Variants in HRK observed in about 807,000 individuals in gnomAD.
The protein encoded by HRK is harakiri, BCL2 interacting protein, also known as activator of apoptosis harakiri.
In HRK, 6 loss-of-function variants were observed where a neutral mutation model predicts 5.9. The ratio of observed to expected loss-of-function variants is 1.02; its 90% CI spans 0.56 to 2.01. The LOEUF (loss-of-function observed/expected upper bound fraction) is 2.01, where lower values mean the gene tolerates loss of function less well. Ranked by LOEUF, HRK falls within the 30% of genes most tolerant of loss-of-function variation. The probability of loss-of-function intolerance (pLI) is 0.00; values close to 1 mark genes in which losing one functional copy is unlikely to be tolerated. For missense variants in HRK, 133 were observed against 128.3 expected, an observed-to-expected ratio of 1.04 and a Z score of -0.18; for synonymous variants, 85 against 65.1, an observed-to-expected ratio of 1.31 and a Z score of -1.47.
At position 116,881,151 on chromosome 12, in the gene HRK, G is replaced by T; in HGVS notation, c.157C>A (p.Arg53Ser). 8.4e-7 allele frequency: 1 copy of T among 1,184,530 alleles called. No individual in the cohort carries two copies. 73.4% of individuals were successfully genotyped at this position (1,184,530 alleles called of 1,614,324 possible). A position where few individuals can be genotyped will look rare whatever the true frequency, so the allele number is the denominator to read the frequency against. Residue 53 changes from arginine (R) to serine (S), a missense_variant, in exon 1 of 2, where the codon CGC (arginine) becomes AGC (serine). By Grantham distance (110) the Arg-to-Ser change is moderately radical. Transcript: ENST00000257572. The part of the protein sequence containing the change: ...ELHQRTMWRR[R>S]ARSRRAPAPG... The stretch of plus-strand genomic sequence containing the variant: ...GCCGGCGCCCTCCGGCTCCGCGCGC[G>T]GCGCCGCCACATGGTGCGCTGGTGC...
intron 1 of HRK, among the ~76,000 whole-genome samples, chr12:116,870,353 C>T (rs1221846790): frequency 2.0e-5 from 3 of 152,178 alleles, no homozygotes; most frequent in East Asian, 3.9e-4. Context: ...ATTACTGAGA[C>T]TTGGAACCTT....
At position 116,878,418 on chromosome 12, in the gene HRK, C is replaced by T. The variant is rs1448380964; in HGVS notation, c.*56+2558G>A. On this transcript the variant is annotated intron_variant, in intron 1 of 1. Coordinates refer to ENST00000257572, the MANE Select transcript of HRK (RefSeq NM_003806.4). The surrounding 1 kb of genome is among the most constrained non-coding windows in gnomAD (Gnocchi z 4.4). ...TCCAGCATAGAACGCAACAGACTGT[C>T]TTCCTCCGGTGATTTTTCTTTCCCC... The T allele has an allele frequency of 1.3e-5, 2 of 152,298 alleles. No homozygotes were observed. Among genetic ancestry groups the T allele is most frequent in the African/African-American group, 2.4e-5 (1 of 41,446 alleles). 9.4% of individuals were successfully genotyped at this position (152,298 alleles called of 1,614,324 possible).
At chr12:116,867,774 T>C (rs1878598704) in intron 1 of HRK, 1 of 152,160 alleles carries the variant, frequency 6.6e-6, no homozygotes, top group African/African-American at 2.4e-5. Flanking sequence ...CGTGTTGACA[T>C]GGGAAGATCT....
intron 1 of HRK, among the ~76,000 whole-genome samples, chr12:116,868,870 G>A (rs1878640974): frequency 6.6e-6 from 1 of 152,160 alleles, no homozygotes; most frequent in African/African-American, 2.4e-5. Context: ...ATTGGGGAAG[G>A]CAGGATTAAA....
In HRK at chr12:116,880,962, G is replaced by A; in HGVS notation, c.*56+14C>T. 3 of 1,168,704 alleles carry A rather than the reference G, an allele frequency of 2.6e-6. No individual in the cohort carries two copies. The highest frequency in any genetic ancestry group is 3.5e-5 in the East Asian group (1 of 28,770). The allele number at this position is 1,168,704 out of a possible 1,614,324, so 72.4% of individuals were successfully genotyped here. ...AGCTGCCGCGCCCCGGCTCTCGCTC[G>A]CTCGCTCGCGTACCTGTTGCTCGCT... On this transcript the variant is annotated intron_variant, in intron 1 of 1. Transcript: ENST00000257572.
At chr12:116,867,142 CT>C (rs1273115320) in intron 1 of HRK, among the ~76,000 whole-genome samples, 2,029 of 136,930 alleles carry the variant, frequency 0.015, 28 homozygotes, top group African/African-American at 0.041. Context: ...CAAAAAAAAA[CT>C]TTTTTTTTTT....
chr12:116,879,864 G>A lies in HRK; in HGVS notation c.*56+1112C>T, dbSNP rs1879078938. Among the ~76,000 whole-genome samples, 1 of 152,198 alleles carries A rather than the reference G, an allele frequency of 6.6e-6. No individual in the cohort carries two copies. Among genetic ancestry groups the A allele is most frequent in the African/African-American group, 2.4e-5 (1 of 41,450 alleles). ...CGGGGCTCGGGGGCGGGGACCTAAG[G>A]GCGGCTGGCTATGTCACCTTCGAGC... On this transcript the variant is annotated intron_variant, in intron 1 of 1. Transcript: ENST00000257572. This position sits in a 1 kb window ranked among gnomAD's most constrained non-coding sequence, Gnocchi z 5.6.
chr12:116,871,766 A>G (rs2137250653), intron 1 of HRK, among the ~76,000 whole-genome samples: 1 of 151,546 alleles, frequency 6.6e-6, no homozygotes, highest in Non-Finnish European at 1.5e-5. Context: ...TAGCAGGACT[A>G]CAGATGCAAG....
intron 1 of HRK, among the ~76,000 whole-genome samples, chr12:116,871,683 G>A (rs1159009040): frequency 6.7e-6 from 1 of 150,252 alleles, no homozygotes; most frequent in Non-Finnish European, 1.5e-5. Flanking sequence ...TTGGAGTACA[G>A]TGGCGTGATC....
rs1878350013 is a variant in HRK, at chr12:116,861,140, A to G, written c.*383T>C. 6.6e-6 allele frequency: 1 copy of G among 152,228 alleles called. No individual in the cohort carries two copies. Among genetic ancestry groups the G allele is most frequent in the African/African-American group, 2.4e-5 (1 of 41,454 alleles). The allele number at this position is 152,228 out of a possible 1,614,324, so 9.4% of individuals were successfully genotyped here. The stretch of plus-strand genomic sequence containing the variant: ...AGGCATCTCTCTTCTGGCGCCCCAG[A>G]CATTACAGAATATCAAAGTTCACAT... On this transcript the variant is annotated 3_prime_UTR_variant, in exon 2 of 2. Coordinates refer to ENST00000257572, the MANE Select transcript of HRK (RefSeq NM_003806.4).
chr12:116,876,646 G>A (rs1259582272), intron 1 of HRK: 1 of 147,492 alleles, frequency 6.8e-6, no homozygotes, highest in Non-Finnish European at 1.5e-5. Context: ...CCCCAGGCAC[G>A]CTTCTCCCTC....
chr12:116,876,496 C>G (rs1287510271), intron 1 of HRK, among the ~76,000 whole-genome samples: 1 of 152,166 alleles, frequency 6.6e-6, no homozygotes, highest in East Asian at 1.9e-4. Flanking sequence ...ATCTTCCTTG[C>G]CACTGACCAC....
chr12:116,880,974 A>C lies in HRK; in HGVS notation c.*56+2T>G. The C allele has an allele frequency of 2.5e-6, 3 of 1,185,856 alleles. No individual in the cohort carries two copies. Among genetic ancestry groups the C allele is most frequent in the Non-Finnish European group, 3.2e-6 (3 of 931,784 alleles). 73.5% of individuals were successfully genotyped at this position (1,185,856 alleles called of 1,614,324 possible). On this transcript the variant is annotated splice_donor_variant, in intron 1 of 1. Coordinates refer to ENST00000257572, the MANE Select transcript of HRK (RefSeq NM_003806.4). LOFTEE classifies it low-confidence loss of function (3UTR_SPLICE). ...CCGGCTCTCGCTCGCTCGCTCGCGTACCTGTTGCTCGCTCCGGCTGGGTCT... is the reference window on the plus strand; with the variant it reads ...CCGGCTCTCGCTCGCTCGCTCGCGTCCCTGTTGCTCGCTCCGGCTGGGTCT...
intron 1 of HRK, chr12:116,867,925 A>T (rs1380424548): frequency 6.6e-6 from 1 of 152,194 alleles, no homozygotes; most frequent in Non-Finnish European, 1.5e-5. Flanking sequence ...ATCAGGGGTC[A>T]TGAACTGAAA....
At chr12:116,874,390 T>A (rs1878862224) in intron 1 of HRK, among the ~76,000 whole-genome samples, 1 of 152,188 alleles carries the variant, frequency 6.6e-6, no homozygotes, top group Admixed American at 6.5e-5. Flanking sequence ...TTCCCCTGGT[T>A]CCTCTTCAAA....
chr12:116,864,746 G>A (rs1002264780), intron 1 of HRK, among the ~76,000 whole-genome samples: 1 of 152,156 alleles, frequency 6.6e-6, no homozygotes, highest in Non-Finnish European at 1.5e-5. Flanking sequence ...GATTGCATAA[G>A]CCCAGGAGTT....
chr12:116,867,779 A>G (rs1470922988), intron 1 of HRK: 1 of 152,216 alleles, frequency 6.6e-6, no homozygotes, highest in Non-Finnish European at 1.5e-5. Flanking sequence ...TGACATGGGA[A>G]GATCTCAACC....
chr12:116,866,834 AAAAC>A (rs1445463792), intron 1 of HRK, among the ~76,000 whole-genome samples: 2 of 152,336 alleles, frequency 1.3e-5, no homozygotes, highest in Middle Eastern at 3.4e-3. Context: ...AATCAACGCC[AAAAC>A]AAACAAACAA....
At chr12:116,868,577 A>T (rs1050533936) in intron 1 of HRK, among the ~76,000 whole-genome samples, 6 of 152,206 alleles carry the variant, frequency 3.9e-5, no homozygotes, top group African/African-American at 1.4e-4. Flanking sequence ...TTCTGTCCCA[A>T]GTAGGGGAAA....
Sources: allele counts gnomAD v4.1 joint callset (sites outside exome capture counted in the v4.1 genomes callset), GRCh38; gene constraint gnomAD v4.1.1; non-coding constraint Gnocchi (gnomAD v3.1); transcripts MANE v1.5; gene names NCBI Gene and HGNC (gene_info 2026-07-23, HGNC 2026-07-21).